The following ALK variants were observed in gnomAD, a reference collection of about 807,000 sequenced individuals.
ALK encodes ALK receptor tyrosine kinase.
In ALK, 74 loss-of-function variants were observed where a neutral mutation model predicts 163.1. That is an observed-to-expected ratio of 0.45 (90% CI 0.38 to 0.55). The LOEUF (loss-of-function observed/expected upper bound fraction) is 0.55, where lower values mean the gene tolerates loss of function less well. Ranked by LOEUF, ALK falls within the 20% of genes least tolerant of loss-of-function variation. The pLI is 0.00. For missense variants in ALK, 2,063 were observed against 2,105.3 expected, an observed-to-expected ratio of 0.98 and a Z score of 0.39; for synonymous variants, 960 against 843.2, an observed-to-expected ratio of 1.14 and a Z score of -2.40.
intron 1 of ALK, among the ~76,000 whole-genome samples, chr2:29,801,083 G>A (rs181613304): frequency 6.6e-6 from 1 of 152,260 alleles, no homozygotes; most frequent in Non-Finnish European, 1.5e-5. Context: ...CAGATGGCAA[G>A]AGAGACACAA....
Position 29,193,543 on chromosome 2 carries a change from G to T in ALK, c.4544C>A (p.Pro1515His), listed in dbSNP as rs2148137971. 1 of 1,614,174 alleles carries T rather than the reference G, an allele frequency of 6.2e-7. No homozygotes were observed. Among genetic ancestry groups the T allele is most frequent in the Non-Finnish European group, 8.5e-7 (1 of 1,180,034 alleles). ...TGCTATAGGATTATTCTTTTTGGTG[G>T]GTTTCTCTGTAAACCAGGAGCCGTA... Reference protein sequence around the residue: ...PTYGSWFTEKPTKKNNPIAKK... With the variant: ...PTYGSWFTEKHTKKNNPIAKK... Residue 1515 changes from proline (P) to histidine (H), a missense_variant, in exon 29 of 29, where the codon CCC (proline) becomes CAC (histidine). This residue lies in a region of ALK where 403 missense variants were observed against 366.2 expected (regional missense o/e 1.10). Transcript: ENST00000389048.
chr2:29,491,608 A>G (rs564305591), intron 4 of ALK, among the ~76,000 whole-genome samples: 1 of 152,370 alleles, frequency 6.6e-6, no homozygotes, highest in South Asian at 2.1e-4. Context: ...TTGGAAAACA[A>G]TTCAACAAAT....
At chr2:29,669,623 C>A (rs1677621589) in intron 3 of ALK, among the ~76,000 whole-genome samples, 1 of 151,982 alleles carries the variant, frequency 6.6e-6, no homozygotes, top group Non-Finnish European at 1.5e-5. Flanking sequence ...AATAAGAACT[C>A]AGTACTGCCA....
Position 29,691,388 on chromosome 2 carries a change from C to T in ALK, c.952+3462G>A, listed in dbSNP as rs960972024. 5.9e-5 allele frequency among the ~76,000 whole-genome samples: 9 copies of T among 152,324 alleles called. No homozygotes were observed. In the East Asian group the frequency reaches 1.2e-3, roughly 20 times the overall value. On this transcript the variant is annotated intron_variant, in intron 3 of 28. Coordinates refer to ENST00000389048, the MANE Select transcript of ALK (RefSeq NM_004304.5). ...TTGGATGTGTCCATTCATGAAAGAG[C>T]TTGGTAAAGGAGACTGGTGTATCCA...
intron 3 of ALK, among the ~76,000 whole-genome samples, chr2:29,621,847 C>T (rs1018082879): frequency 6.6e-6 from 1 of 152,104 alleles, no homozygotes; most frequent in Non-Finnish European, 1.5e-5. Context: ...CTCAACCATC[C>T]TTTTCCAGGG....
intron 3 of ALK, among the ~76,000 whole-genome samples, chr2:29,645,509 A>G (rs538821908): frequency 6.6e-6 from 1 of 152,286 alleles, no homozygotes; most frequent in Non-Finnish European, 1.5e-5. Context: ...CTCCATTAGA[A>G]TCATCATAAA....
At chr2:29,592,637 A>G (rs1675094123) in intron 3 of ALK, among the ~76,000 whole-genome samples, 1 of 152,216 alleles carries the variant, frequency 6.6e-6, no homozygotes, top group South Asian at 2.1e-4. Flanking sequence ...CCTTCTCCTA[A>G]TATCCCTATA....
intron 4 of ALK, among the ~76,000 whole-genome samples, chr2:29,523,198 A>G (rs1672860765): frequency 6.6e-6 from 1 of 152,172 alleles, no homozygotes; most frequent in African/African-American, 2.4e-5. Flanking sequence ...TCCTTTGCAC[A>G]CGTGCACTCT....
chr2:29,724,360 C>T (rs1455421865), intron 1 of ALK, among the ~76,000 whole-genome samples: 2 of 152,124 alleles, frequency 1.3e-5, no homozygotes, highest in South Asian at 2.1e-4. Flanking sequence ...TCACACAAAG[C>T]AAAGCTTAAT....
At chr2:29,279,611 C>T (rs957566603) in intron 9 of ALK, among the ~76,000 whole-genome samples, 1 of 152,144 alleles carries the variant, frequency 6.6e-6, no homozygotes, top group Non-Finnish European at 1.5e-5. Context: ...GCATCAGGAC[C>T]ACCCAGATTC....
intron 4 of ALK, among the ~76,000 whole-genome samples, chr2:29,477,833 T>C (rs1671564604): frequency 6.6e-6 from 1 of 152,156 alleles, no homozygotes; most frequent in African/African-American, 2.4e-5. Context: ...CAGGTGGCAA[T>C]CAGGAAATCA....
chr2:29,780,586 G>A (rs942584824), intron 1 of ALK, among the ~76,000 whole-genome samples: 3 of 152,228 alleles, frequency 2.0e-5, no homozygotes, highest in African/African-American at 4.8e-5. Flanking sequence ...GTCAAATGGA[G>A]TCAGGAATGC....
intron 1 of ALK, among the ~76,000 whole-genome samples, chr2:29,804,095 TTTTG>T (rs1664551443): frequency 1.3e-5 from 2 of 152,244 alleles, no homozygotes; most frequent in Non-Finnish European, 2.9e-5. Flanking sequence ...CTCTTTTTCT[TTTTG>T]CTCATTACAG....
intron 1 of ALK, among the ~76,000 whole-genome samples, chr2:29,769,800 C>A (rs2148343253): frequency 6.6e-6 from 1 of 152,314 alleles, no homozygotes; most frequent in Non-Finnish European, 1.5e-5. Context: ...AATAAGCAAG[C>A]AAACAACAGC....
intron 5 of ALK, among the ~76,000 whole-genome samples, chr2:29,354,528 G>A (rs901782397): frequency 6.6e-6 from 1 of 152,092 alleles, no homozygotes; most frequent in Non-Finnish European, 1.5e-5. Flanking sequence ...CCCAATGGGA[G>A]CCATGGCATC....
intron 23 of ALK, among the ~76,000 whole-genome samples, chr2:29,219,497 C>T (rs994976216): frequency 2.6e-5 from 4 of 152,112 alleles, no homozygotes; most frequent in South Asian, 2.1e-4. Context: ...TTCCTGGGAG[C>T]GGGAGGGTGG....
chr2:29,453,219 T>A (rs1670866991), intron 4 of ALK, among the ~76,000 whole-genome samples: 1 of 152,142 alleles, frequency 6.6e-6, no homozygotes, highest in African/African-American at 2.4e-5. Context: ...TATTTAAATA[T>A]CAAACTATCT....
intron 26 of ALK, among the ~76,000 whole-genome samples, chr2:29,202,796 G>GTAGT (rs1392694559): frequency 6.6e-6 from 1 of 152,184 alleles, no homozygotes; most frequent in African/African-American, 2.4e-5. Context: ...TAGTTGAGGG[G>GTAGT]TAGTTGGGTT....
intron 3 of ALK, among the ~76,000 whole-genome samples, chr2:29,589,761 T>A (rs1674995259): frequency 6.6e-6 from 1 of 152,236 alleles, no homozygotes; most frequent in African/African-American, 2.4e-5. Flanking sequence ...GTAACTGTAT[T>A]TTCAGAATGC....
Sources: allele counts gnomAD v4.1 joint callset (sites outside exome capture counted in the v4.1 genomes callset), GRCh38; gene constraint gnomAD v4.1.1; regional missense constraint gnomAD v4.1.1; transcripts MANE v1.5; gene names NCBI Gene and HGNC (gene_info 2026-07-23, HGNC 2026-07-21).